RTN3: variants seen among roughly 807,000 people sequenced by gnomAD.
RTN3 encodes reticulon-3.
In RTN3, 49 loss-of-function variants were observed where a neutral mutation model predicts 77.8. The observed-to-expected ratio is 0.63, with a 90% CI of 0.50 to 0.80. The LOEUF is 0.80. RTN3 is among the 30% of genes least tolerant of loss of function. RTN3 has a pLI of 0.00. For synonymous variants in RTN3, 464 were observed against 446.9 expected (o/e 1.04, Z -0.48); for missense variants, 1,236 against 1,211.9 (o/e 1.02, Z -0.29).
intron 2 of RTN3, among the ~76,000 whole-genome samples, chr11:63,707,098 C>T (rs1421389383): frequency 2.6e-5 from 4 of 151,956 alleles, no homozygotes; most frequent in Non-Finnish European, 5.9e-5. Context: ...GGGGTTTCAC[C>T]ATGTTGACCA....
rs1458305091 is a variant in RTN3 at position 63,725,450 on chromosome 11, T to C, written c.2530+4418T>C. 2.0e-5 allele frequency among the ~76,000 whole-genome samples: 3 copies of C among 152,014 alleles called. No homozygotes were observed. The South Asian group carries it at 6.2e-4, about 32-fold the overall frequency. On this transcript the variant is annotated intron_variant, in intron 3 of 8. Transcript: ENST00000377819. ...CATTCTTCTTTTTTTTTTTCCTTTT[T>C]CTTTTTCTTTTTTGAGATGGAGGAG...
At position 63,681,592 on chromosome 11, in the gene RTN3, C is replaced by T. The variant is rs978127549; in HGVS notation, c.-45C>T. 5 of 1,539,208 alleles carry T rather than the reference C, an allele frequency of 3.2e-6. No individual in the cohort carries two copies. The African/African-American group carries it at 5.6e-5, about 17-fold the overall frequency. On this transcript the variant is annotated 5_prime_UTR_variant, in exon 1 of 9. Coordinates refer to ENST00000377819, the MANE Select transcript of RTN3 (RefSeq NM_001265589.2). ...TTCTATTTCCCCTCCCTCTCTCCCG[C>T]CCCGTATCTCTTTTCACCCTTCTCC...
In RTN3 at chr11:63,720,157, C is replaced by A. The variant is rs1274879973; in HGVS notation, c.1655C>A (p.Ser552Tyr). 1 of 1,613,916 alleles carries A rather than the reference C, an allele frequency of 6.2e-7. No individual in the cohort carries two copies. Among genetic ancestry groups the A allele is most frequent in the Non-Finnish European group, 8.5e-7 (1 of 1,179,988 alleles). ...AGTTGTGAGAGAGAAGAAAAAACATCTAAAAACTTTGAAGAATTGGTCAGT... is the reference window on the plus strand; with the variant it reads ...AGTTGTGAGAGAGAAGAAAAAACATATAAAAACTTTGAAGAATTGGTCAGT... The part of the protein sequence containing the change: ...IPSCEREEKT[S>Y]KNFEELVSDS... Residue 552 changes from serine (S) to tyrosine (Y), a missense_variant, in exon 3 of 9, where the codon TCT becomes TAT. Physicochemically the swap from Ser to Tyr is moderately radical, Grantham distance 144. Coordinates refer to ENST00000377819, the MANE Select transcript of RTN3 (RefSeq NM_001265589.2).
intron 1 of RTN3, among the ~76,000 whole-genome samples, chr11:63,697,514 C>T (rs1484166166): frequency 2.0e-5 from 3 of 151,660 alleles, no homozygotes; most frequent in African/African-American, 4.8e-5. Flanking sequence ...TCACTCTTAT[C>T]CCCCAGGCTG....
rs754013713 is a variant in RTN3, at chr11:63,719,295, T to G, written c.793T>G (p.Tyr265Asp). ...ATTTGACAAAGAATTTAAAGACTCA[T>G]ATAAGGAGAGCACAGATGATTTTGG... is the stretch of plus-strand genomic sequence containing the variant. Reference protein sequence around the residue: ...AAFDKEFKDSYKESTDDFGSW... With the variant: ...AAFDKEFKDSDKESTDDFGSW... Residue 265 changes from tyrosine (Y) to aspartate (D), a missense_variant, in exon 3 of 9, where the codon TAT (tyrosine) becomes GAT (aspartate). By Grantham distance (160) the Tyr-to-Asp change is radical (BLOSUM62 -3). Transcript: ENST00000377819. 3.7e-6 allele frequency: 6 copies of G among 1,614,046 alleles called. No homozygotes were observed. In the African/African-American group the frequency reaches 8.0e-5, roughly 22 times the overall value.
intron 3 of RTN3, among the ~76,000 whole-genome samples, chr11:63,738,112 G>T (rs2013249157): frequency 1.3e-5 from 2 of 152,162 alleles, no homozygotes; most frequent in Non-Finnish European, 2.9e-5. Context: ...CCAAAGAAAA[G>T]AAATAATCTG....
At chr11:63,733,623 ACT>A (rs1291559680) in intron 3 of RTN3, among the ~76,000 whole-genome samples, 2 of 151,774 alleles carry the variant, frequency 1.3e-5, no homozygotes. Flanking sequence ...TAATCTCAAC[ACT>A]CTGGGAGGCT....
At chr11:63,718,617 A>C (rs570187534) in intron 2 of RTN3, 85 bp from the exon 3 acceptor site, 1 of 943,478 alleles carries the variant, frequency 1.1e-6, no homozygotes, top group East Asian at 2.7e-5. Flanking sequence ...TAATTTAAAA[A>C]ATAAAAAGCA....
chr11:63,750,413 T>G (rs2014038296), intron 4 of RTN3: 1 of 546,958 alleles, frequency 1.8e-6, no homozygotes, highest in Non-Finnish European at 3.2e-6. Flanking sequence ...AGGCTCATAC[T>G]TGAAGTTCAA....
intron 3 of RTN3, among the ~76,000 whole-genome samples, chr11:63,736,585 G>A (rs1033476798): frequency 2.0e-5 from 3 of 152,166 alleles, no homozygotes; most frequent in African/African-American, 4.8e-5. Context: ...CTACTCGGGA[G>A]GCTGAGGCAG....
At chr11:63,750,230 A>T (rs373540297) in intron 4 of RTN3, 32 bp downstream of exon 4, 1 of 1,560,328 alleles carries the variant, frequency 6.4e-7, no homozygotes, top group Non-Finnish European at 8.8e-7. Flanking sequence ...AACATTCTAC[A>T]TTTTAGTGGA....
chr11:63,746,605 C>T (rs1465431786), intron 3 of RTN3, among the ~76,000 whole-genome samples: 1 of 151,976 alleles, frequency 6.6e-6, no homozygotes, highest in Non-Finnish European at 1.5e-5. Context: ...AGCTCTGCCT[C>T]CCAGGTCCAC....
chr11:63,694,659 T>C (rs1361084554), intron 1 of RTN3, among the ~76,000 whole-genome samples: 1 of 151,870 alleles, frequency 6.6e-6, no homozygotes, highest in African/African-American at 2.4e-5. Flanking sequence ...GGTTTCACCA[T>C]GTTGCCCAGG....
In RTN3 at chr11:63,703,620, G is replaced by A. The variant is rs935034361; in HGVS notation, c.143-1231G>A. ...TGCAGTGGCGCGATCTCGGCTCACT[G>A]CAAGCTCCACCTCCCAGGTTCACGC... On this transcript the variant is annotated intron_variant, in intron 1 of 8. Coordinates refer to ENST00000377819, the MANE Select transcript of RTN3 (RefSeq NM_001265589.2). 2.2e-4 allele frequency among the ~76,000 whole-genome samples: 33 copies of A among 149,254 alleles called. 1 individual carries two copies. The highest frequency in any genetic ancestry group is 6.8e-3 in the Middle Eastern group (2 of 292).
At chr11:63,726,885 G>C (rs865832095) in intron 3 of RTN3, among the ~76,000 whole-genome samples, 40 of 55,480 alleles carry the variant, frequency 7.2e-4, no homozygotes, top group African/African-American at 1.6e-3. Flanking sequence ...AAAAGAAGAA[G>C]TGAGCCGAGT....
chr11:63,696,394 C>G (rs1243916872), intron 1 of RTN3, among the ~76,000 whole-genome samples: 1 of 148,286 alleles, frequency 6.7e-6, no homozygotes, highest in Non-Finnish European at 1.5e-5. Flanking sequence ...AAGACTCTGT[C>G]TCAAAAGGAA....
Position 63,720,936 on chromosome 11 carries a change from A to G in RTN3, c.2434A>G (p.Ile812Val), listed in dbSNP as rs2011742801. ...TGGGATTTCCCAGAAGCCCATCACT[A>G]TCAGAGAAACTACTAGGGTAGATGC... ...DLGISQKPITIRETTRVDAVS... is the reference protein window; with the variant it reads ...DLGISQKPITVRETTRVDAVS... The change falls in exon 3 of 9, where the codon ATC becomes GTC. Residue 812 changes from isoleucine to valine, a missense_variant. Around this residue, in one of 3 missense-constraint regions of RTN3, gnomAD observed 1,056 missense variants for 990.4 expected, o/e 1.07. Coordinates refer to ENST00000377819, the MANE Select transcript of RTN3 (RefSeq NM_001265589.2). 2 of 1,614,146 alleles carry G rather than the reference A, an allele frequency of 1.2e-6. No individual in the cohort carries two copies. The highest frequency in any genetic ancestry group is 1.7e-6 in the Non-Finnish European group (2 of 1,180,012).
intron 3 of RTN3, among the ~76,000 whole-genome samples, chr11:63,734,226 T>A (rs1282882479): frequency 6.6e-6 from 1 of 152,104 alleles, no homozygotes; most frequent in Non-Finnish European, 1.5e-5. Context: ...GGTGGGCAGT[T>A]CATTTGAGGT....
rs774916810 is a variant in RTN3 at position 63,719,086 on chromosome 11, C to T, written c.584C>T (p.Ala195Val). 1.2e-6 allele frequency: 2 copies of T among 1,614,096 alleles called. No homozygotes were observed. Among genetic ancestry groups the T allele is most frequent in the Admixed American group, 1.7e-5 (1 of 59,992 alleles). ...CCAAATGGGGTATCAAGTAGGGAGG[C>T]TAAAACTGCATTGGATGCTGATGAC... ...KNPNGVSSRE[A>V]KTALDADDRF... The change falls in exon 3 of 9, where the codon GCT becomes GTT. Residue 195 changes from alanine to valine, a missense_variant. Around this residue, in one of 3 missense-constraint regions of RTN3, gnomAD observed 1,056 missense variants for 990.4 expected, o/e 1.07. Transcript: ENST00000377819.
Sources: allele counts gnomAD v4.1 joint callset (sites outside exome capture counted in the v4.1 genomes callset), GRCh38; gene constraint gnomAD v4.1.1; regional missense constraint gnomAD v4.1.1; transcripts MANE v1.5; gene names NCBI Gene and HGNC (gene_info 2026-07-23, HGNC 2026-07-21).